OTOG: variants seen among roughly 807,000 people sequenced by gnomAD.
OTOG encodes otogelin.
A neutral mutation model predicts 313.8 loss-of-function variants in OTOG; 296 were observed. The observed-to-expected ratio is 0.94, with a 90% confidence interval of 0.86 to 1.04. OTOG has a LOEUF of 1.04. OTOG is among the 50% of genes least tolerant of loss of function. The pLI is 0.00. For synonymous variants in OTOG, 1,533 were observed against 1,554.9 expected (o/e 0.99, Z 0.33); for missense variants, 3,948 against 3,840.1 (o/e 1.03, Z -0.74).
intron 54 of OTOG, among the ~76,000 whole-genome samples, chr11:17,644,330 G>A (rs1436049475): frequency 6.6e-6 from 1 of 152,284 alleles, no homozygotes; most frequent in Non-Finnish European, 1.5e-5. Context: ...GGAAGACAAA[G>A]TGGACTTAGC....
chr11:17,605,720 G>GT, intron 32 of OTOG, 137 bp from the exon 33 acceptor site: 4 of 951,668 alleles, frequency 4.2e-6, no homozygotes, highest in Non-Finnish European at 6.1e-6. Flanking sequence ...GGGGGCTGGT[G>GT]TAGGGGGCAG....
At position 17,634,938 on chromosome 11, in the gene OTOG, C is replaced by A. The variant is rs1854225654; in HGVS notation, c.7575C>A (p.Ser2525Arg). 1.5e-6 allele frequency: 2 copies of A among 1,373,904 alleles called. No individual in the cohort carries two copies. The highest frequency in any genetic ancestry group is 2.0e-6 in the Non-Finnish European group (2 of 1,007,762). The allele number at this position is 1,373,904 out of a possible 1,614,324, so 85.1% of individuals were successfully genotyped here. Residue 2525 changes from serine to arginine, a missense_variant, in exon 45 of 56, where the codon AGC becomes AGA. Coordinates refer to ENST00000399397, the MANE Select transcript of OTOG (RefSeq NM_001292063.2). ...THFQEDSCCPSYSCECDPDLC... is the reference protein window; with the variant it reads ...THFQEDSCCPRYSCECDPDLC... ...TCCAGGAGGACTCCTGCTGCCCCAG[C>A]TACAGCTGTGGTGAGAGGCCCGGGG...
chr11:17,612,066 G>A, intron 36 of OTOG, 96 bp from the exon 37 acceptor site: 1 of 1,429,646 alleles, frequency 7.0e-7, no homozygotes, highest in Non-Finnish European at 9.5e-7. Flanking sequence ...TGCCCCGCTA[G>A]GACCTACATG....
chr11:17,607,803 C>T (rs1248940273), intron 33 of OTOG, among the ~76,000 whole-genome samples: 1 of 152,008 alleles, frequency 6.6e-6, no homozygotes, highest in African/African-American at 2.4e-5. Context: ...CCAGTGCCTC[C>T]CCTCACCCTG....
intron 15 of OTOG, among the ~76,000 whole-genome samples, chr11:17,566,116 A>G (rs1318002573): frequency 1.3e-5 from 2 of 152,194 alleles, no homozygotes; most frequent in East Asian, 3.9e-4. Context: ...TAATGTGGGT[A>G]TTATCTGTGT....
chr11:17,640,835 C>T lies in OTOG; in HGVS notation c.8011+15C>T. 6.5e-7 allele frequency: 1 copy of T among 1,550,180 alleles called. No individual in the cohort carries two copies. The highest frequency in any genetic ancestry group is 1.2e-5 in the South Asian group (1 of 84,066). On this transcript the variant is annotated intron_variant, in intron 50 of 55. Coordinates refer to ENST00000399397, the MANE Select transcript of OTOG (RefSeq NM_001292063.2). ...GTACGAGTGTGGTGAGTGGGGGAAGCCTCGGGGCAGAGCCATGCAGGAGGG... is the reference window on the plus strand; with the variant it reads ...GTACGAGTGTGGTGAGTGGGGGAAGTCTCGGGGCAGAGCCATGCAGGAGGG...
At chr11:17,593,044 C>A in intron 25 of OTOG, 149 bp from the exon 26 acceptor site, 1 of 771,014 alleles carries the variant, frequency 1.3e-6, no homozygotes, top group South Asian at 2.1e-5. Context: ...CTTCAGAGAA[C>A]AGAAGTCGCC....
rs554904005 is a variant in OTOG, at chr11:17,639,096, C to T, written c.7895-327C>T. Among the ~76,000 whole-genome samples, 13 of 152,286 alleles carry T rather than the reference C, an allele frequency of 8.5e-5. No homozygotes were observed. The South Asian group carries it at 2.7e-3, about 32-fold the overall frequency. Reference sequence around the variant, plus strand: ...ATAAATAAAAAGAATAGGCTCTGGACCAGGTGAAGGGATTAATCCAGGTGA... The same window carrying T: ...ATAAATAAAAAGAATAGGCTCTGGATCAGGTGAAGGGATTAATCCAGGTGA... On this transcript the variant is annotated intron_variant, in intron 48 of 55. Transcript: ENST00000399397.
rs757678201 is a variant in OTOG, at chr11:17,631,661, A to G, written c.6713-41A>G. On this transcript the variant is annotated intron_variant, in intron 40 of 55. Transcript: ENST00000399397. ...TGAGAGCTGACGACATGGGAGTGGT[A>G]GTGATGATCGTGGCTGTTGGGATTG... 4 of 1,466,408 alleles carry G rather than the reference A, an allele frequency of 2.7e-6. No individual in the cohort carries two copies. In the South Asian group the frequency reaches 4.9e-5, roughly 18 times the overall value. 90.8% of individuals were successfully genotyped at this position (1,466,408 alleles called of 1,614,324 possible).
At chr11:17,631,035 C>A (rs927892034) in intron 40 of OTOG, among the ~76,000 whole-genome samples, 1 of 152,182 alleles carries the variant, frequency 6.6e-6, no homozygotes, top group African/African-American at 2.4e-5. Flanking sequence ...TCCAAATTCA[C>A]AGGAGAGGAG....
Position 17,561,792 on chromosome 11 carries a change from T to A in OTOG, c.1629T>A (p.Asn543Lys). ...SSGTFTVTLQ[N>K]APCGLNQDGA... ...GCACCTTCACCGTGACATTGCAGAA[T>A]GCCCCATGTGGCCTGGTAAGAGCTG... is the stretch of plus-strand genomic sequence containing the variant. The change falls in exon 15 of 56, where the codon AAT becomes AAA. Residue 543 changes from asparagine to lysine, a missense_variant. Physicochemically the swap from Asn to Lys is moderately conservative, Grantham distance 94. Transcript: ENST00000399397. 1 of 1,550,408 alleles carries A rather than the reference T, an allele frequency of 6.4e-7. No homozygotes were observed. The highest frequency in any genetic ancestry group is 8.7e-7 in the Non-Finnish European group (1 of 1,146,960).
At chr11:17,548,750 C>T (rs937211325) in intron 3 of OTOG, among the ~76,000 whole-genome samples, 1 of 151,996 alleles carries the variant, frequency 6.6e-6, no homozygotes, top group Admixed American at 6.5e-5. Context: ...CGGGGTCTTG[C>T]TCTGTGACAC....
chr11:17,565,807 C>A (rs181850930), intron 15 of OTOG, among the ~76,000 whole-genome samples: 1 of 152,006 alleles, frequency 6.6e-6, no homozygotes, highest in Non-Finnish European at 1.5e-5. Flanking sequence ...TTCATTATTG[C>A]GTGTGTATAT....
Position 17,570,079 on chromosome 11 carries a change from C to CGCAGGCAGGCAGGCAGGCAG in OTOG, c.1778-132_1778-113dup, listed in dbSNP as rs991832428. 3 of 760,800 alleles carry CGCAGGCAGGCAGGCAGGCAG rather than the reference C, an allele frequency of 3.9e-6. No homozygotes were observed. In the African/African-American group the frequency reaches 5.2e-5, roughly 13 times the overall value. The allele number at this position is 760,800 out of a possible 1,614,324, so 47.1% of individuals were successfully genotyped here. On this transcript the variant is annotated intron_variant, in intron 16 of 55. Transcript: ENST00000399397. Reference sequence around the variant, plus strand: ...CCCCATACCAGCTTCATGGCAGGCACGCAGGCAGGCAGGCAGGCAGGGGGC... The same window carrying CGCAGGCAGGCAGGCAGGCAG: ...CCCCATACCAGCTTCATGGCAGGCACGCAGGCAGGCAGGCAGGCAGGCAGGCAGGCAGGCAGGCAGGGGGC...
intron 49 of OTOG, 127 bp from the exon 50 acceptor site, chr11:17,640,618 G>C (rs1847947846): frequency 4.9e-6 from 5 of 1,026,280 alleles, no homozygotes. Context: ...GGGGCCCCAG[G>C]CCTGCCAGCC....
chr11:17,605,049 G>A (rs748968942), intron 32 of OTOG, among the ~76,000 whole-genome samples: 1 of 152,222 alleles, frequency 6.6e-6, no homozygotes, highest in Admixed American at 6.5e-5. Flanking sequence ...CACACACCTC[G>A]TTGATGATCC....
At chr11:17,579,542 G>T (rs1852617921) in intron 23 of OTOG, among the ~76,000 whole-genome samples, 1 of 152,132 alleles carries the variant, frequency 6.6e-6, no homozygotes, top group African/African-American at 2.4e-5. Flanking sequence ...GGTCCGTGAT[G>T]GTCACCTATA....
rs1852080143 is a variant in OTOG at position 17,557,414 on chromosome 11, C to T, written c.865+91C>T. ...GGGTTGGAGGGGACTTGGAACAGAG[C>T]CCTGGGGTCGTGGTCATGGTATTAA... On this transcript the variant is annotated intron_variant, in intron 8 of 55. Coordinates refer to ENST00000399397, the MANE Select transcript of OTOG (RefSeq NM_001292063.2). 37 of 1,285,204 alleles carry T rather than the reference C, an allele frequency of 2.9e-5. No individual in the cohort carries two copies. The South Asian group carries it at 4.9e-4, about 17-fold the overall frequency. The allele number at this position is 1,285,204 out of a possible 1,614,324, so 79.6% of individuals were successfully genotyped here. A position where few individuals can be genotyped will look rare whatever the true frequency, so the allele number is the denominator to read the frequency against.
intron 15 of OTOG, among the ~76,000 whole-genome samples, chr11:17,563,503 C>G (rs1852233040): frequency 6.6e-6 from 1 of 152,192 alleles, no homozygotes; most frequent in African/African-American, 2.4e-5. Flanking sequence ...AGAGAATGGC[C>G]CAGCCCTGGC....
Sources: gnomAD v4.1 joint callset for allele counts (sites outside exome capture counted in the v4.1 genomes callset) on GRCh38, gnomAD v4.1.1 for gene constraint, MANE v1.5 for transcripts, NCBI Gene and HGNC (gene_info 2026-07-23, HGNC 2026-07-21) for gene names.